Variants in TRIM27 observed in about 807,000 individuals in gnomAD.
The protein encoded by TRIM27 is zinc finger protein RFP.
TRIM27 carries 12 observed loss-of-function variants against 57.6 expected under a neutral mutation model. The observed-to-expected ratio is 0.21, with a 90% CI of 0.13 to 0.34. TRIM27 has a LOEUF of 0.34. Among genes scored for constraint, TRIM27 ranks in the 10% least tolerant of loss-of-function variants. The pLI, the probability that TRIM27 is intolerant of heterozygous loss-of-function variation, is 1.00. For missense variants in TRIM27, 403 were observed against 656.8 expected (o/e 0.61, Z 4.22); for synonymous variants, 266 against 259.0 (o/e 1.03, Z -0.26).
rs1483068642 is a variant in TRIM27, at chr6:28,923,942, G to C, written c.-310C>G. The stretch of plus-strand genomic sequence containing the variant: ...TCCCAGGGCCAGGCGGGCAAAGCGC[G>C]CAAGACAACGTGGCCGCGTCCGAGC... On this transcript the variant is annotated 5_prime_UTR_variant, in exon 1 of 8. Transcript: ENST00000377199. The C allele has an allele frequency of 7.7e-6, 3 of 387,734 alleles. No homozygotes were observed. The highest frequency in any genetic ancestry group is 4.2e-5 in the African/African-American group (2 of 48,162). The allele number at this position is 387,734 out of a possible 1,614,324, so 24.0% of individuals were successfully genotyped here.
At chr6:28,913,326 T>C (rs971717259) in intron 3 of TRIM27, among the ~76,000 whole-genome samples, 5 of 150,060 alleles carry the variant, frequency 3.3e-5, no homozygotes, top group Admixed American at 1.3e-4. Flanking sequence ...TACATAGATA[T>C]ATATAATAGT....
chr6:28,919,257 G>A (rs1454714911), intron 3 of TRIM27, among the ~76,000 whole-genome samples: 2 of 151,988 alleles, frequency 1.3e-5, no homozygotes, highest in Non-Finnish European at 1.5e-5. Flanking sequence ...TGATCCACCC[G>A]CCTCGGCCCC....
At position 28,903,540 on chromosome 6, in the gene TRIM27, A is replaced by G. The variant is rs1772542215; in HGVS notation, c.*530T>C. Reference sequence around the variant, plus strand: ...AACCAAAACACATACAGGCTTCTTTAATGGAGTTAATAAAACTATGGCACA... The same window carrying G: ...AACCAAAACACATACAGGCTTCTTTGATGGAGTTAATAAAACTATGGCACA... On this transcript the variant is annotated 3_prime_UTR_variant, in exon 8 of 8. Coordinates refer to ENST00000377199, the MANE Select transcript of TRIM27 (RefSeq NM_006510.5). 1 of 235,408 alleles carries G rather than the reference A, an allele frequency of 4.2e-6. No homozygotes were observed. Among genetic ancestry groups the G allele is most frequent in the African/African-American group, 2.2e-5 (1 of 45,416 alleles). 14.6% of individuals were successfully genotyped at this position (235,408 alleles called of 1,614,324 possible).
intron 2 of TRIM27, among the ~76,000 whole-genome samples, chr6:28,920,879 T>C (rs9461486): frequency 2.0e-4 from 30 of 152,226 alleles, no homozygotes; most frequent in African/African-American, 7.0e-4. Flanking sequence ...CTTGCCCAAT[T>C]TCCCTGGGCC....
Position 28,904,947 on chromosome 6 carries a change from C to CT in TRIM27, c.947-283dup. The CT allele has an allele frequency of 2.2e-6, 1 of 458,410 alleles. No homozygotes were observed. The highest frequency in any genetic ancestry group is 3.9e-6 in the Non-Finnish European group (1 of 257,242). 28.4% of individuals were successfully genotyped at this position (458,410 alleles called of 1,614,324 possible). On this transcript the variant is annotated intron_variant, in intron 7 of 7. Transcript: ENST00000377199. The surrounding 1 kb of genome is among the most constrained non-coding windows in gnomAD (Gnocchi z 6.1). ...TGATTTTAAGAGATAGGGTCTTGCT[C>CT]TGTTGCCTAGGCTGGAGCGCAGTGG...
chr6:28,911,535 G>T, intron 4 of TRIM27, 161 bp downstream of exon 4: 1 of 701,336 alleles, frequency 1.4e-6, no homozygotes, highest in South Asian at 2.0e-5. Flanking sequence ...GTAGAGCTGT[G>T]GTTCATCTAA....
chr6:28,903,365 T>C lies in TRIM27; in HGVS notation c.*705A>G, dbSNP rs1049093354. The C allele has an allele frequency of 8.6e-5, 20 of 233,100 alleles. No individual in the cohort carries two copies. Among genetic ancestry groups the C allele is most frequent in the African/African-American group, 3.3e-4 (15 of 45,296 alleles). 14.4% of individuals were successfully genotyped at this position (233,100 alleles called of 1,614,324 possible). A position where few individuals can be genotyped will look rare whatever the true frequency, so the allele number is the denominator to read the frequency against. On this transcript the variant is annotated 3_prime_UTR_variant, in exon 8 of 8. Coordinates refer to ENST00000377199, the MANE Select transcript of TRIM27 (RefSeq NM_006510.5). Reference sequence around the variant, plus strand: ...GGGCAGAATATTATCCTGGATGATATGCACCCAGCACTAGAATACACCTTT... The same window carrying C: ...GGGCAGAATATTATCCTGGATGATACGCACCCAGCACTAGAATACACCTTT...
chr6:28,919,084 G>T (rs1773835161), intron 3 of TRIM27, among the ~76,000 whole-genome samples: 1 of 151,030 alleles, frequency 6.6e-6, no homozygotes, highest in Non-Finnish European at 1.5e-5. Flanking sequence ...CGCGATCTTG[G>T]CTCACTGCAA....
Position 28,904,938 on chromosome 6 carries a change from G to T in TRIM27, c.947-273C>A. On this transcript the variant is annotated intron_variant, in intron 7 of 7. Transcript: ENST00000377199. The surrounding 1 kb of genome is among the most constrained non-coding windows in gnomAD (Gnocchi z 6.1). ...ATCATGAACTGATTTTAAGAGATAG[G>T]GTCTTGCTCTGTTGCCTAGGCTGGA... 1 of 475,908 alleles carries T rather than the reference G, an allele frequency of 2.1e-6. No homozygotes were observed. Among genetic ancestry groups the T allele is most frequent in the Non-Finnish European group, 3.7e-6 (1 of 268,004 alleles). The allele number at this position is 475,908 out of a possible 1,614,324, so 29.5% of individuals were successfully genotyped here.
At chr6:28,920,329 G>A (rs570542591) in intron 2 of TRIM27, 87 bp from the exon 3 acceptor site, 1 of 1,161,978 alleles carries the variant, frequency 8.6e-7, no homozygotes, top group African/African-American at 1.5e-5. Context: ...TGTAGCCCAA[G>A]ACCTCATTAT....
intron 4 of TRIM27, 175 bp downstream of exon 4, chr6:28,911,521 C>T (rs1038671481): frequency 3.2e-6 from 2 of 627,504 alleles, no homozygotes; most frequent in African/African-American, 3.7e-5. Context: ...CTGAATTTTA[C>T]TGAGTAGAGC....
Position 28,923,927 on chromosome 6 carries a change from A to C in TRIM27, c.-295T>G. 1 of 404,150 alleles carries C rather than the reference A, an allele frequency of 2.5e-6. No individual in the cohort carries two copies. The highest frequency in any genetic ancestry group is 4.4e-6 in the Non-Finnish European group (1 of 228,084). 25.0% of individuals were successfully genotyped at this position (404,150 alleles called of 1,614,324 possible). A position where few individuals can be genotyped will look rare whatever the true frequency, so the allele number is the denominator to read the frequency against. Reference sequence around the variant, plus strand: ...AGCCGAGGGTCAGAGTCCCAGGGCCAGGCGGGCAAAGCGCGCAAGACAACG... The same window carrying C: ...AGCCGAGGGTCAGAGTCCCAGGGCCCGGCGGGCAAAGCGCGCAAGACAACG... On this transcript the variant is annotated 5_prime_UTR_variant, in exon 1 of 8. Transcript: ENST00000377199.
At chr6:28,915,124 T>G (rs1170486749) in intron 3 of TRIM27, 4 of 151,986 alleles carry the variant, frequency 2.6e-5, no homozygotes, top group African/African-American at 9.7e-5. Context: ...CCTCCAGTAT[T>G]GCCCCATTAA....
intron 4 of TRIM27, 125 bp from the exon 5 acceptor site, chr6:28,909,213 T>C: frequency 3.1e-6 from 2 of 654,112 alleles, no homozygotes; most frequent in South Asian, 3.8e-5. Context: ...GTTCAAGCGA[T>C]TCTCCTGCCT....
intron 7 of TRIM27, chr6:28,905,336 T>A (rs964403043): frequency 1.3e-5 from 2 of 152,202 alleles, no homozygotes; most frequent in Non-Finnish European, 2.9e-5. Flanking sequence ...AATGAAGTAT[T>A]AATAGATCTG....
At chr6:28,910,691 T>A (rs1773137227) in intron 4 of TRIM27, among the ~76,000 whole-genome samples, 1 of 152,126 alleles carries the variant, frequency 6.6e-6, no homozygotes, top group Non-Finnish European at 1.5e-5. Flanking sequence ...TCCTATCTTA[T>A]ATAGCCAAAT....
chr6:28,920,651 G>A (rs897187905), intron 2 of TRIM27, among the ~76,000 whole-genome samples: 2 of 152,170 alleles, frequency 1.3e-5, no homozygotes, highest in African/African-American at 4.8e-5. Context: ...AAATGGCACA[G>A]GCAAAAGAGT....
Position 28,909,096 on chromosome 6 carries a change from T to C in TRIM27, c.771-8A>G, listed in dbSNP as rs1772985827. On this transcript the variant is annotated splice_polypyrimidine_tract_variant and splice_region_variant and intron_variant, in intron 4 of 7. Transcript: ENST00000377199. Reference sequence around the variant, plus strand: ...ATCCTGATTCTTTCAGCCCTAAATTTAAAAAACATGAGTAAATTTTTTTTT... The same window carrying C: ...ATCCTGATTCTTTCAGCCCTAAATTCAAAAAACATGAGTAAATTTTTTTTT... The C allele has an allele frequency of 1.3e-6, 2 of 1,586,294 alleles. No individual in the cohort carries two copies. Among genetic ancestry groups the C allele is most frequent in the African/African-American group, 2.7e-5 (2 of 73,060 alleles).
At chr6:28,922,719 G>C (rs1228968216) in intron 1 of TRIM27, among the ~76,000 whole-genome samples, 1 of 152,174 alleles carries the variant, frequency 6.6e-6, no homozygotes, top group Non-Finnish European at 1.5e-5. Flanking sequence ...TCTCAGAGTG[G>C]TTAAGTGACT....
Sources: gnomAD v4.1 joint callset for allele counts (sites outside exome capture counted in the v4.1 genomes callset) on GRCh38, gnomAD v4.1.1 for gene constraint, Gnocchi (gnomAD v3.1) non-coding constraint, MANE v1.5 for transcripts, NCBI Gene and HGNC (gene_info 2026-07-23, HGNC 2026-07-21) for gene names.